CFAP299: variants seen among roughly 807,000 people sequenced by gnomAD.
The protein encoded by CFAP299 is cilia- and flagella-associated protein 299.
CFAP299 carries 21 observed loss-of-function variants against 27.0 expected under a neutral mutation model. The observed-to-expected ratio is 0.78, with a 90% CI of 0.55 to 1.12. The LOEUF (loss-of-function observed/expected upper bound fraction) is 1.12, where lower values mean the gene tolerates loss of function less well. Ranked by LOEUF, CFAP299 falls within the 50% of genes most tolerant of loss-of-function variation. The pLI, the probability that CFAP299 is intolerant of heterozygous loss-of-function variation, is 0.00. For synonymous variants in CFAP299, 104 were observed against 98.1 expected (o/e 1.06, Z -0.36); for missense variants, 310 against 276.6 (o/e 1.12, Z -0.86).
At chr4:80,559,622 C>T (rs984441033) in intron 2 of CFAP299, among the ~76,000 whole-genome samples, 1 of 152,162 alleles carries the variant, frequency 6.6e-6, no homozygotes, top group African/African-American at 2.4e-5. Context: ...TCCTCCCTCA[C>T]CCCTGGCAGA....
chr4:80,745,621 GT>G (rs948597899), intron 3 of CFAP299, among the ~76,000 whole-genome samples: 19 of 151,978 alleles, frequency 1.3e-4, no homozygotes, highest in African/African-American at 4.3e-4. Context: ...CACAAATTCA[GT>G]TTATATTATT....
At chr4:80,935,727 A>G (rs1736856232) in intron 4 of CFAP299, among the ~76,000 whole-genome samples, 1 of 152,186 alleles carries the variant, frequency 6.6e-6, no homozygotes, top group Admixed American at 6.5e-5. Flanking sequence ...GGATCTAATT[A>G]AACTTAAGAG....
chr4:80,594,800 C>A (rs1736976046), intron 3 of CFAP299, among the ~76,000 whole-genome samples: 1 of 152,200 alleles, frequency 6.6e-6, no homozygotes, highest in South Asian at 2.1e-4. Flanking sequence ...TCTCAAATAT[C>A]TAGTGATTCT....
At chr4:80,478,799 T>A (rs1378598033) in intron 2 of CFAP299, among the ~76,000 whole-genome samples, 2 of 151,562 alleles carry the variant, frequency 1.3e-5, no homozygotes. Flanking sequence ...TTTTTTTTTT[T>A]AAAGTCGTAT....
intron 3 of CFAP299, among the ~76,000 whole-genome samples, chr4:80,825,843 A>G (rs1360865326): frequency 1.3e-5 from 2 of 151,960 alleles, no homozygotes; most frequent in Non-Finnish European, 2.9e-5. Flanking sequence ...GAACATTTAT[A>G]AAGGCTAGTA....
intron 2 of CFAP299, among the ~76,000 whole-genome samples, chr4:80,505,011 AT>A: frequency 6.7e-6 from 1 of 148,858 alleles, no homozygotes; most frequent in South Asian, 2.1e-4. Flanking sequence ...AAATCATTTT[AT>A]ATATCATTTA....
At chr4:80,461,091 A>G (rs1379625232) in intron 2 of CFAP299, among the ~76,000 whole-genome samples, 1 of 152,190 alleles carries the variant, frequency 6.6e-6, no homozygotes, top group Non-Finnish European at 1.5e-5. Flanking sequence ...GTTATTATCT[A>G]AAGACCCGGA....
At chr4:80,465,198 C>T (rs1713193323) in intron 2 of CFAP299, among the ~76,000 whole-genome samples, 1 of 151,930 alleles carries the variant, frequency 6.6e-6, no homozygotes, top group Non-Finnish European at 1.5e-5. Context: ...GTCAAGAAAA[C>T]AGAAAAATAG....
Position 80,418,400 on chromosome 4 carries a change from T to C in CFAP299, c.242+55516T>C, listed in dbSNP as rs143250991. Among the ~76,000 whole-genome samples, 883 of 152,352 alleles carry C rather than the reference T, an allele frequency of 5.8e-3. 10 individuals carry two copies. The highest frequency in any genetic ancestry group is 0.02 in the African/African-American group (838 of 41,578). On this transcript the variant is annotated intron_variant, in intron 2 of 5. Transcript: ENST00000358105. ...ATGACAGTTGTATATATTTATAGGA[T>C]ACAAAATAGTGTTATGAATTTTGAG...
At chr4:80,386,779 AC>A in intron 2 of CFAP299, 1 of 1,254,904 alleles carries the variant, frequency 8.0e-7, no homozygotes, top group East Asian at 2.3e-5. Context: ...TGAACAACTT[AC>A]CGCAGCTTGT....
rs1251059511 is a variant in CFAP299, at chr4:80,867,990, T to G, written c.334-2003T>G. 5.9e-5 allele frequency among the ~76,000 whole-genome samples: 9 copies of G among 152,310 alleles called. No individual in the cohort carries two copies. The East Asian group carries it at 1.7e-3, about 29-fold the overall frequency. On this transcript the variant is annotated intron_variant, in intron 3 of 5. Transcript: ENST00000358105. ...ATAATTTAAAGGTCATATATACTAT[T>G]TCTTATTTATTAATAATCATCCTAG...
At chr4:80,953,620 A>C (rs1051445163) in intron 5 of CFAP299, among the ~76,000 whole-genome samples, 2 of 152,218 alleles carry the variant, frequency 1.3e-5, no homozygotes, top group Non-Finnish European at 2.9e-5. Context: ...TTAATTTTAT[A>C]TGCAGTATTT....
At chr4:80,493,823 CG>C (rs1477306582) in intron 2 of CFAP299, among the ~76,000 whole-genome samples, 1 of 122,376 alleles carries the variant, frequency 8.2e-6, no homozygotes, top group East Asian at 2.6e-4. Flanking sequence ...GGCCAGACTG[CG>C]GACTGCAGTG....
chr4:80,453,192 T>A (rs1434124792), intron 2 of CFAP299, among the ~76,000 whole-genome samples: 1 of 151,894 alleles, frequency 6.6e-6, no homozygotes, highest in Non-Finnish European at 1.5e-5. Flanking sequence ...ACTCAATCCC[T>A]TTTTTTTATA....
chr4:80,956,139 A>T (rs186360919), intron 5 of CFAP299, among the ~76,000 whole-genome samples: 15 of 152,238 alleles, frequency 9.9e-5, no homozygotes, highest in Admixed American at 8.5e-4. Context: ...CAAGCTTCTG[A>T]TTTTACCCCC....
intron 2 of CFAP299, among the ~76,000 whole-genome samples, chr4:80,364,281 C>T (rs1723707999): frequency 6.6e-6 from 1 of 152,104 alleles, no homozygotes; most frequent in African/African-American, 2.4e-5. Flanking sequence ...AATTCAATTC[C>T]TTATGATTAT....
At chr4:80,806,056 T>C (rs1728851425) in intron 3 of CFAP299, among the ~76,000 whole-genome samples, 1 of 152,136 alleles carries the variant, frequency 6.6e-6, no homozygotes, top group African/African-American at 2.4e-5. Context: ...AGAACAATAA[T>C]GTACTCAATA....
chr4:80,942,099 G>A (rs1001926781), intron 4 of CFAP299, among the ~76,000 whole-genome samples: 1 of 152,198 alleles, frequency 6.6e-6, no homozygotes, highest in African/African-American at 2.4e-5. Flanking sequence ...GCCCACACTA[G>A]TAGTGGAAAA....
chr4:80,908,412 C>G (rs1735293546), intron 4 of CFAP299, among the ~76,000 whole-genome samples: 1 of 152,104 alleles, frequency 6.6e-6, no homozygotes, highest in Non-Finnish European at 1.5e-5. Flanking sequence ...TTTGTTCTTC[C>G]CCATTCTTTA....
Sources: gnomAD v4.1 joint callset for allele counts (sites outside exome capture counted in the v4.1 genomes callset) on GRCh38, gnomAD v4.1.1 for gene constraint, MANE v1.5 for transcripts, NCBI Gene and HGNC (gene_info 2026-07-23, HGNC 2026-07-21) for gene names.